Variants in CPNE8 observed in about 807,000 individuals in gnomAD.
CPNE8 encodes copine-8.
A neutral mutation model predicts 81.5 loss-of-function variants in CPNE8; 45 were observed. That is an observed-to-expected ratio of 0.55 (90% CI 0.44 to 0.71). The LOEUF is 0.71. Ranked by LOEUF, CPNE8 falls within the 30% of genes least tolerant of loss-of-function variation. The pLI, the probability that CPNE8 is intolerant of heterozygous loss-of-function variation, is 0.00. For synonymous variants in CPNE8, 252 were observed against 226.3 expected (o/e 1.11, Z -1.02); for missense variants, 594 against 672.1 (o/e 0.88, Z 1.28).
At chr12:38,793,337 CA>C (rs1380496447) in intron 6 of CPNE8, among the ~76,000 whole-genome samples, 9 of 151,400 alleles carry the variant, frequency 5.9e-5, no homozygotes, top group African/African-American at 2.2e-4. Flanking sequence ...ATTACACACA[CA>C]CACACACACA....
chr12:38,657,718 T>G lies in CPNE8; in HGVS notation c.1507-3648A>C, dbSNP rs975863756. The stretch of plus-strand genomic sequence containing the variant: ...AGCAATATTTTCAGTTCTGCAATAT[T>G]TGCTGTTCTGCAGCCTCCACTGGTG... On this transcript the variant is annotated intron_variant, in intron 19 of 19. Coordinates refer to ENST00000331366, the MANE Select transcript of CPNE8 (RefSeq NM_153634.3). 8.3e-4 allele frequency among the ~76,000 whole-genome samples: 126 copies of G among 152,288 alleles called. 2 individuals are homozygous for G. Among genetic ancestry groups the G allele is most frequent in the Non-Finnish European group, 4.0e-4 (27 of 68,024 alleles).
chr12:38,795,681 G>A (rs984043337), intron 6 of CPNE8, among the ~76,000 whole-genome samples: 1 of 152,138 alleles, frequency 6.6e-6, no homozygotes, highest in African/African-American at 2.4e-5. Flanking sequence ...TTTATAGAAA[G>A]AGAAAGTAGA....
intron 19 of CPNE8, among the ~76,000 whole-genome samples, chr12:38,666,707 A>T (rs1170355515): frequency 1.3e-5 from 2 of 152,180 alleles, no homozygotes; most frequent in African/African-American, 4.8e-5. Flanking sequence ...TTAGCTAAAG[A>T]AGAGCTTGAA....
At chr12:38,892,378 G>A (rs753756623) in intron 1 of CPNE8, among the ~76,000 whole-genome samples, 2 of 152,184 alleles carry the variant, frequency 1.3e-5, no homozygotes, top group Non-Finnish European at 2.9e-5. Context: ...TTCAACCTTT[G>A]TTTACAAAGC....
At chr12:38,739,982 C>G (rs544509741) in intron 10 of CPNE8, among the ~76,000 whole-genome samples, 3 of 152,018 alleles carry the variant, frequency 2.0e-5, no homozygotes, top group Admixed American at 6.6e-5. Flanking sequence ...AACATAACAC[C>G]AGGGATATGT....
chr12:38,848,328 G>A (rs78211684), intron 4 of CPNE8, among the ~76,000 whole-genome samples: 3,529 of 152,196 alleles, frequency 0.023, 134 homozygotes, highest in African/African-American at 0.081. Context: ...TGGGAAGAAT[G>A]TCCATATACA....
intron 6 of CPNE8, among the ~76,000 whole-genome samples, chr12:38,781,321 T>C (rs1462973700): frequency 6.6e-6 from 1 of 152,084 alleles, no homozygotes; most frequent in East Asian, 1.9e-4. Context: ...TAAATGTAAA[T>C]GAACTAAATG....
intron 3 of CPNE8, among the ~76,000 whole-genome samples, chr12:38,859,515 G>A (rs1298719530): frequency 6.6e-6 from 1 of 152,066 alleles, no homozygotes. Flanking sequence ...CTTGATCTTT[G>A]ATTGAATGCA....
At position 38,859,625 on chromosome 12, in the gene CPNE8, T is replaced by C. The variant is rs528471182; in HGVS notation, c.187-10963A>G. 2.0e-4 allele frequency among the ~76,000 whole-genome samples: 30 copies of C among 152,180 alleles called. No individual in the cohort carries two copies. In the South Asian group the frequency reaches 6.2e-3, roughly 32 times the overall value. On this transcript the variant is annotated intron_variant, in intron 3 of 19. Coordinates refer to ENST00000331366, the MANE Select transcript of CPNE8 (RefSeq NM_153634.3). ...AAGATCCTGAATAGCTAAAGCAATCTTGAAAAAGAACAAAGCTCCAGGTAT... is the reference window on the plus strand; with the variant it reads ...AAGATCCTGAATAGCTAAAGCAATCCTGAAAAAGAACAAAGCTCCAGGTAT...
intron 16 of CPNE8, among the ~76,000 whole-genome samples, 190 bp from the exon 17 acceptor site, chr12:38,677,744 G>A (rs1322249961): frequency 6.6e-6 from 1 of 151,638 alleles, no homozygotes; most frequent in African/African-American, 2.4e-5. Flanking sequence ...TGCAATGTTA[G>A]TGCATGCTGG....
chr12:38,698,658 TC>T (rs1291605767), intron 14 of CPNE8, among the ~76,000 whole-genome samples: 2 of 152,190 alleles, frequency 1.3e-5, no homozygotes, highest in African/African-American at 4.8e-5. Flanking sequence ...AGACCAGTCT[TC>T]CCCCGTTGCA....
chr12:38,728,903 A>G (rs1224822326), intron 11 of CPNE8, among the ~76,000 whole-genome samples: 1 of 152,128 alleles, frequency 6.6e-6, no homozygotes, highest in East Asian at 1.9e-4. Flanking sequence ...TAATAAGAAA[A>G]CATTTATATT....
intron 1 of CPNE8, among the ~76,000 whole-genome samples, chr12:38,891,453 T>C (rs1944313060): frequency 6.6e-6 from 1 of 152,098 alleles, no homozygotes; most frequent in Admixed American, 6.6e-5. Context: ...AAACTAATTT[T>C]TTTTTTTTTT....
chr12:38,826,256 T>G (rs774617065), intron 6 of CPNE8, among the ~76,000 whole-genome samples: 1 of 152,212 alleles, frequency 6.6e-6, no homozygotes, highest in African/African-American at 2.4e-5. Flanking sequence ...TGAATAAAAT[T>G]TAGTGATATA....
chr12:38,900,530 C>T (rs1267819309), intron 1 of CPNE8, among the ~76,000 whole-genome samples: 1 of 152,094 alleles, frequency 6.6e-6, no homozygotes, highest in South Asian at 2.1e-4. Flanking sequence ...TGGTAATATA[C>T]CTATGACACT....
At chr12:38,811,814 G>A (rs947968913) in intron 6 of CPNE8, among the ~76,000 whole-genome samples, 2 of 152,252 alleles carry the variant, frequency 1.3e-5, no homozygotes, top group Admixed American at 6.5e-5. Context: ...CGAGGCTGCA[G>A]TGAGCTATGA....
intron 1 of CPNE8, 125 bp downstream of exon 1, chr12:38,905,312 G>T: frequency 9.0e-7 from 1 of 1,110,564 alleles, no homozygotes; most frequent in Non-Finnish European, 1.3e-6. Flanking sequence ...CCACTACTGA[G>T]ATATTTCCCA....
At chr12:38,811,071 G>A (rs1424389494) in intron 6 of CPNE8, among the ~76,000 whole-genome samples, 1 of 152,032 alleles carries the variant, frequency 6.6e-6, no homozygotes, top group Non-Finnish European at 1.5e-5. Flanking sequence ...CTCCTGCCAT[G>A]CAAAGTAGCC....
chr12:38,755,972 G>A (rs1377849616), intron 10 of CPNE8, among the ~76,000 whole-genome samples: 1 of 140,730 alleles, frequency 7.1e-6, no homozygotes, highest in South Asian at 2.3e-4. Flanking sequence ...CCCAGGAGGC[G>A]GAGCTTGCAG....
Sources: allele counts gnomAD v4.1 joint callset (sites outside exome capture counted in the v4.1 genomes callset), GRCh38; gene constraint gnomAD v4.1.1; transcripts MANE v1.5; gene names NCBI Gene and HGNC (gene_info 2026-07-23, HGNC 2026-07-21).